Variants in CSMD3 observed in about 807,000 individuals in gnomAD.
CSMD3 encodes CUB and Sushi multiple domains 3.
Under a neutral mutation model 435.2 loss-of-function variants are expected in CSMD3, and 177 were observed. The ratio of observed to expected loss-of-function variants is 0.41; its 90% confidence interval spans 0.36 to 0.46. The LOEUF is 0.46. Among genes scored for constraint, CSMD3 ranks in the 20% least tolerant of loss-of-function variants. The pLI, the probability that CSMD3 is intolerant of heterozygous loss-of-function variation, is 0.34. For missense variants in CSMD3, 4,265 were observed against 4,504.6 expected (o/e 0.95, Z 1.52); for synonymous variants, 1,656 against 1,520.5 (o/e 1.09, Z -2.07).
At chr8:112,954,497 G>T (rs953315528) in intron 8 of CSMD3, among the ~76,000 whole-genome samples, 187 bp downstream of exon 8, 1 of 151,490 alleles carries the variant, frequency 6.6e-6, no homozygotes, top group East Asian at 1.9e-4. Context: ...AGTTTGCCAC[G>T]TTAATCCATT....
At chr8:112,263,932 TTGTGA>T in intron 60 of CSMD3, 120 bp from the exon 61 acceptor site, 7 of 871,182 alleles carry the variant, frequency 8.0e-6, no homozygotes, top group South Asian at 1.4e-5. Flanking sequence ...GGACAATATG[TTGTGA>T]CATATCTTAT....
intron 58 of CSMD3, among the ~76,000 whole-genome samples, chr8:112,284,984 AT>A (rs1012677030): frequency 6.6e-6 from 1 of 151,608 alleles, no homozygotes; most frequent in African/African-American, 2.4e-5. Context: ...GTTCTGTTGA[AT>A]TTTTTCTATA....
rs1398697165 is a variant in CSMD3 at position 112,422,815 on chromosome 8, C to G, written c.5396-13783G>C. Among the ~76,000 whole-genome samples, 6 of 152,072 alleles carry G rather than the reference C, an allele frequency of 3.9e-5. No homozygotes were observed. The East Asian group carries it at 1.2e-3, about 29-fold the overall frequency. The stretch of plus-strand genomic sequence containing the variant: ...TTAACCACTTATTGTTTAACTCTGT[C>G]AAAGACAATGATCAACAGCAAAAAC... On this transcript the variant is annotated intron_variant, in intron 32 of 70. Transcript: ENST00000297405.
intron 27 of CSMD3, among the ~76,000 whole-genome samples, chr8:112,537,498 A>G (rs1826233834): frequency 6.6e-6 from 1 of 152,010 alleles, no homozygotes; most frequent in Non-Finnish European, 1.5e-5. Context: ...TAGCTAGATT[A>G]AGAGAAAAGA....
rs150159258 is a variant in CSMD3 at position 112,550,816 on chromosome 8, G to A, written c.4419C>T (p.Asp1473=). ...AAAGCATATCATTTTCTGGTGGACCGTCCCAGACTCGGAGTATATCATGTG... is the reference window on the plus strand; with the variant it reads ...AAAGCATATCATTTTCTGGTGGACCATCCCAGACTCGGAGTATATCATGTG... ...EASHDILRVW[D]GPPENDMLLK... The change falls in exon 27 of 71, where the codon GAC becomes GAT. Residue 1473 remains aspartate (D), a synonymous_variant. Transcript: ENST00000297405. 11,139 of 1,611,308 alleles carry A rather than the reference G, an allele frequency of 6.9e-3. 55 individuals carry two copies. The highest frequency in any genetic ancestry group is 0.013 in the African/African-American group (986 of 74,874).
At chr8:112,843,024 T>G (rs189365971) in intron 11 of CSMD3, among the ~76,000 whole-genome samples, 357 of 151,976 alleles carry the variant, frequency 2.3e-3, no homozygotes, top group African/African-American at 6.8e-3. Flanking sequence ...TAAAAGAAGT[T>G]GCTAAAATAT....
intron 3 of CSMD3, among the ~76,000 whole-genome samples, chr8:113,228,797 C>T (rs755328537): frequency 3.3e-5 from 5 of 151,590 alleles, no homozygotes; most frequent in Admixed American, 6.6e-5. Flanking sequence ...AAAACTACAT[C>T]CAAACAGCAT....
intron 27 of CSMD3, among the ~76,000 whole-genome samples, chr8:112,523,670 G>T (rs572642968): frequency 1.3e-5 from 2 of 152,008 alleles, no homozygotes; most frequent in Non-Finnish European, 2.9e-5. Context: ...GAAAATATTT[G>T]AAATGCAGAT....
chr8:112,419,990 G>A (rs1302257548), intron 32 of CSMD3, among the ~76,000 whole-genome samples: 1 of 151,972 alleles, frequency 6.6e-6, no homozygotes, highest in Non-Finnish European at 1.5e-5. Flanking sequence ...CTTTTGTTTT[G>A]AACCATTTTC....
chr8:112,410,650 GTGTATATATATGTA>G (rs1563913286), intron 32 of CSMD3, among the ~76,000 whole-genome samples: 14 of 73,806 alleles, frequency 1.9e-4, no homozygotes, highest in East Asian at 1.4e-3. Context: ...ATATATATAT[GTGTATATATATGTA>G]TATATATATG....
chr8:112,580,874 C>T (rs79194615), intron 23 of CSMD3, among the ~76,000 whole-genome samples: 2 of 152,142 alleles, frequency 1.3e-5, no homozygotes, highest in Non-Finnish European at 2.9e-5. Context: ...TATGTGCAGA[C>T]GTTGAATTGG....
intron 30 of CSMD3, among the ~76,000 whole-genome samples, chr8:112,501,848 G>A (rs1309809022): frequency 6.6e-6 from 1 of 152,112 alleles, no homozygotes; most frequent in Non-Finnish European, 1.5e-5. Context: ...ATATGGTGGA[G>A]TATCATAAAG....
chr8:112,436,234 A>G (rs2130451941), intron 32 of CSMD3, among the ~76,000 whole-genome samples: 1 of 152,052 alleles, frequency 6.6e-6, no homozygotes, highest in Non-Finnish European at 1.5e-5. Flanking sequence ...TGATCTAATG[A>G]AAAAGACATG....
intron 27 of CSMD3, among the ~76,000 whole-genome samples, chr8:112,518,797 T>A (rs1823973507): frequency 6.6e-6 from 1 of 152,122 alleles, no homozygotes; most frequent in African/African-American, 2.4e-5. Flanking sequence ...AAAAGAGGTT[T>A]AATTGACTCA....
At chr8:112,296,609 A>G (rs892534032) in intron 53 of CSMD3, among the ~76,000 whole-genome samples, 6 of 151,882 alleles carry the variant, frequency 4.0e-5, no homozygotes, top group African/African-American at 1.4e-4. Flanking sequence ...AGAGGTACAG[A>G]TAAAGCATTA....
At chr8:113,349,888 T>C (rs189495143) in intron 1 of CSMD3, among the ~76,000 whole-genome samples, 2 of 152,134 alleles carry the variant, frequency 1.3e-5, no homozygotes, top group East Asian at 1.9e-4. Flanking sequence ...CCTTCTTGAA[T>C]CTGGATGGTC....
At chr8:113,088,527 G>C (rs974808560) in intron 5 of CSMD3, among the ~76,000 whole-genome samples, 1 of 151,438 alleles carries the variant, frequency 6.6e-6, no homozygotes, top group South Asian at 2.1e-4. Context: ...ATACTATGCA[G>C]CCATAAAAAA....
chr8:113,100,683 G>A (rs558639089), intron 4 of CSMD3, among the ~76,000 whole-genome samples: 1 of 152,166 alleles, frequency 6.6e-6, no homozygotes, highest in African/African-American at 2.4e-5. Flanking sequence ...TAAGGCATAC[G>A]TTAATTAGCT....
At chr8:112,346,493 G>A (rs1404781565) in intron 40 of CSMD3, among the ~76,000 whole-genome samples, 2 of 151,792 alleles carry the variant, frequency 1.3e-5, no homozygotes, top group Non-Finnish European at 2.9e-5. Flanking sequence ...AAATATAAAC[G>A]AACAAAGACA....
Sources: gnomAD v4.1 joint callset for allele counts (sites outside exome capture counted in the v4.1 genomes callset) on GRCh38, gnomAD v4.1.1 for gene constraint, MANE v1.5 for transcripts, NCBI Gene and HGNC (gene_info 2026-07-23, HGNC 2026-07-21) for gene names.